BRD7: variants seen among roughly 807,000 people sequenced by gnomAD.
The protein encoded by BRD7 is bromodomain-containing protein 7.
In BRD7, 15 loss-of-function variants were observed where a neutral mutation model predicts 82.1. The observed-to-expected ratio is 0.18, with a 90% CI of 0.12 to 0.28. BRD7 has a LOEUF of 0.28. Among genes scored for constraint, BRD7 ranks in the 10% least tolerant of loss-of-function variants. The pLI is 1.00. For synonymous variants in BRD7, 232 were observed against 266.9 expected (o/e 0.87, Z 1.27); for missense variants, 638 against 779.9 (o/e 0.82, Z 2.17).
At chr16:50,332,077 C>T (rs767955713) in intron 8 of BRD7, among the ~76,000 whole-genome samples, 11 of 152,068 alleles carry the variant, frequency 7.2e-5, no homozygotes, top group East Asian at 3.9e-4. Flanking sequence ...ACATGGGCCT[C>T]GGCAAAGAAT....
intron 2 of BRD7, among the ~76,000 whole-genome samples, chr16:50,360,358 A>G (rs992097042): frequency 6.6e-6 from 1 of 152,216 alleles, no homozygotes; most frequent in Non-Finnish European, 1.5e-5. Flanking sequence ...ATACACATAC[A>G]TATATTCAAG....
chr16:50,341,299 T>A (rs190762599), intron 5 of BRD7, among the ~76,000 whole-genome samples: 167 of 152,104 alleles, frequency 1.1e-3, no homozygotes, highest in African/African-American at 3.7e-3. Context: ...CAAAGGACCC[T>A]AGATTAAAGA....
intron 2 of BRD7, among the ~76,000 whole-genome samples, chr16:50,360,538 G>T (rs1285984030): frequency 6.6e-6 from 1 of 152,244 alleles, no homozygotes; most frequent in East Asian, 1.9e-4. Context: ...TCCCCTAGCT[G>T]CCCACGGCAG....
chr16:50,367,649 A>G (rs1274979788), intron 2 of BRD7, among the ~76,000 whole-genome samples: 1 of 152,226 alleles, frequency 6.6e-6, no homozygotes, highest in Non-Finnish European at 1.5e-5. Flanking sequence ...TCAACACACT[A>G]CAACACTGTT....
chr16:50,326,444 G>A (rs1435931692), intron 9 of BRD7, 53 bp from the exon 10 acceptor site: 14 of 1,307,632 alleles, frequency 1.1e-5, no homozygotes, highest in East Asian at 7.4e-5. Flanking sequence ...CATGACCCAC[G>A]GGGCCCTCTG....
Position 50,368,301 on chromosome 16 carries a change from T to C in BRD7, c.50-3A>G. 2.5e-6 allele frequency: 4 copies of C among 1,609,800 alleles called. No individual in the cohort carries two copies. The Middle Eastern group carries it at 5.0e-4, about 200-fold the overall frequency. ...CTTCAAGGGCTTCTCTACATACTCT[T>C]AAAAAAAGAAAAGAAAAGAAAGGAA... is the stretch of plus-strand genomic sequence containing the variant. On this transcript the variant is annotated splice_region_variant and splice_polypyrimidine_tract_variant and intron_variant, in intron 1 of 16. Transcript: ENST00000394688.
In BRD7 at chr16:50,358,495, C is replaced by CAA. The variant is rs371307047; in HGVS notation, c.259-3575_259-3574dup. Among the ~76,000 whole-genome samples, 1,080 of 121,938 alleles carry CAA rather than the reference C, an allele frequency of 8.9e-3. 15 individuals are homozygous for CAA. Among genetic ancestry groups the CAA allele is most frequent in the African/African-American group, 0.012 (363 of 29,412 alleles). The allele number at this position is 121,938 out of a possible 152,430, so 80.0% of individuals were successfully genotyped here. On this transcript the variant is annotated intron_variant, in intron 2 of 16. Transcript: ENST00000394688. Reference sequence around the variant, plus strand: ...TGGGCAACAGAGCCAGATCCTGTCTCAAAAAAAAAAAAAAAAGAACAAAAA... The same window carrying CAA: ...TGGGCAACAGAGCCAGATCCTGTCTCAAAAAAAAAAAAAAAAAAGAACAAAAA...
chr16:50,320,105 G>A (rs1030687417), intron 15 of BRD7, 75 bp from the exon 16 acceptor site: 75 of 1,526,970 alleles, frequency 4.9e-5, no homozygotes, highest in Non-Finnish European at 6.0e-5. Flanking sequence ...AACAGTAAAT[G>A]TACACATGCA....
chr16:50,322,548 T>G (rs2037164926), intron 12 of BRD7, among the ~76,000 whole-genome samples: 1 of 152,220 alleles, frequency 6.6e-6, no homozygotes, highest in Non-Finnish European at 1.5e-5. Context: ...GTCATCTTTC[T>G]TTGAAAGGTT....
intron 16 of BRD7, 107 bp downstream of exon 16, chr16:50,319,780 G>T (rs551121617): frequency 2.8e-6 from 4 of 1,410,728 alleles, no homozygotes; most frequent in Middle Eastern, 2.6e-4. Context: ...CTATCTTTGT[G>T]GGGTAAATAC....
chr16:50,343,963 C>A (rs1404577669), intron 5 of BRD7, among the ~76,000 whole-genome samples: 3 of 152,190 alleles, frequency 2.0e-5, no homozygotes, highest in Non-Finnish European at 4.4e-5. Flanking sequence ...CAGACTACCT[C>A]CTGAAGTGAG....
intron 4 of BRD7, among the ~76,000 whole-genome samples, chr16:50,353,844 C>T (rs1263258576): frequency 2.6e-5 from 4 of 151,574 alleles, no homozygotes; most frequent in South Asian, 2.1e-4. Context: ...GTGATCTGCC[C>T]GCCTCGGCCT....
At chr16:50,357,772 G>C (rs1249708281) in intron 2 of BRD7, among the ~76,000 whole-genome samples, 8 of 152,070 alleles carry the variant, frequency 5.3e-5, no homozygotes, top group Middle Eastern at 3.4e-3. Context: ...CTTGAGGCCG[G>C]GAGTTTGAGA....
intron 2 of BRD7, among the ~76,000 whole-genome samples, chr16:50,360,533 T>C (rs1296135367): frequency 1.3e-5 from 2 of 152,218 alleles, no homozygotes; most frequent in African/African-American, 4.8e-5. Context: ...TGCTTTCCCC[T>C]AGCTGCCCAC....
intron 4 of BRD7, 101 bp from the exon 5 acceptor site, chr16:50,350,268 G>T: frequency 1.2e-6 from 1 of 811,318 alleles, no homozygotes; most frequent in South Asian, 3.6e-5. Flanking sequence ...GATGCAGAAA[G>T]AATTTGTAAT....
chr16:50,321,357 T>C (rs2037093919), intron 13 of BRD7, among the ~76,000 whole-genome samples: 1 of 152,088 alleles, frequency 6.6e-6, no homozygotes, highest in Non-Finnish European at 1.5e-5. Context: ...CATTAGGAGT[T>C]TGAAACCAGC....
intron 5 of BRD7, among the ~76,000 whole-genome samples, chr16:50,348,675 G>C (rs532472780): frequency 6.6e-6 from 1 of 152,092 alleles, no homozygotes; most frequent in Non-Finnish European, 1.5e-5. Flanking sequence ...ATCACTGGCA[G>C]TCGGAGAAAT....
At chr16:50,363,654 TGTGTGTGC>T (rs2039017223) in intron 2 of BRD7, among the ~76,000 whole-genome samples, 1 of 93,110 alleles carries the variant, frequency 1.1e-5, no homozygotes, top group Non-Finnish European at 2.5e-5. Context: ...TGTGTGTGTG[TGTGTGTGC>T]GCGCGCGCGC....
chr16:50,325,976 T>C, intron 10 of BRD7, 93 bp from the exon 11 acceptor site: 1 of 1,300,732 alleles, frequency 7.7e-7, no homozygotes, highest in Non-Finnish European at 1.0e-6. Context: ...TCTCCTAACT[T>C]TACTACTTCA....
Sources: allele counts gnomAD v4.1 joint callset (sites outside exome capture counted in the v4.1 genomes callset), GRCh38; gene constraint gnomAD v4.1.1; transcripts MANE v1.5; gene names NCBI Gene and HGNC (gene_info 2026-07-23, HGNC 2026-07-21).